GTF3C1: variants seen among roughly 807,000 people sequenced by gnomAD.
The protein encoded by GTF3C1 is general transcription factor IIIC subunit 1.
Under a neutral mutation model 226.7 loss-of-function variants are expected in GTF3C1, and 57 were observed. The ratio of observed to expected loss-of-function variants is 0.25; its 90% CI spans 0.20 to 0.31. The LOEUF (loss-of-function observed/expected upper bound fraction) is 0.31, where lower values mean the gene tolerates loss of function less well. GTF3C1 is among the 10% of genes least tolerant of loss of function. The pLI is 1.00. For missense variants in GTF3C1, 2,217 were observed against 2,776.1 expected (o/e 0.80, Z 4.53); for synonymous variants, 1,090 against 1,084.8 (o/e 1.00, Z -0.09).
At chr16:27,536,984 C>T (rs912881309) in intron 4 of GTF3C1, among the ~76,000 whole-genome samples, 1 of 152,236 alleles carries the variant, frequency 6.6e-6, no homozygotes, top group Non-Finnish European at 1.5e-5. Context: ...TACTCACTCC[C>T]CCAGTCTCCC....
chr16:27,461,262 AG>A lies in GTF3C1; in HGVS notation c.*87del, dbSNP rs1419013882. 11 of 817,342 alleles carry A rather than the reference AG, an allele frequency of 1.3e-5. No homozygotes were observed. Among genetic ancestry groups the A allele is most frequent in the Non-Finnish European group, 2.1e-5 (11 of 517,678 alleles). The allele number at this position is 817,342 out of a possible 1,614,324, so 50.6% of individuals were successfully genotyped here. A position where few individuals can be genotyped will look rare whatever the true frequency, so the allele number is the denominator to read the frequency against. ...TGCTGCAGGAGGCTCGGCAGACCCAAGGCCAGGGCACAGTGGGGTCTGCCGA... is the reference window on the plus strand; with the variant it reads ...TGCTGCAGGAGGCTCGGCAGACCCAAGCCAGGGCACAGTGGGGTCTGCCGA... On this transcript the variant is annotated 3_prime_UTR_variant, in exon 37 of 37. Transcript: ENST00000356183. This position sits in a 1 kb window ranked among gnomAD's most constrained non-coding sequence, Gnocchi z 5.3.
intron 7 of GTF3C1, among the ~76,000 whole-genome samples, chr16:27,510,085 C>T (rs2088550517): frequency 6.6e-6 from 1 of 152,122 alleles, no homozygotes; most frequent in South Asian, 2.1e-4. Flanking sequence ...CTTGTCTCTA[C>T]TAAAGAAATA....
chr16:27,546,775 T>C (rs897199751), intron 1 of GTF3C1, among the ~76,000 whole-genome samples: 1 of 151,692 alleles, frequency 6.6e-6, no homozygotes, highest in Non-Finnish European at 1.5e-5. Context: ...CCTCCATTCC[T>C]TTTTTTTAAG....
At chr16:27,524,084 G>T (rs2088793045) in intron 6 of GTF3C1, among the ~76,000 whole-genome samples, 1 of 152,202 alleles carries the variant, frequency 6.6e-6, no homozygotes, top group Non-Finnish European at 1.5e-5. Context: ...TCCTACGCAT[G>T]AACTTACTTT....
chr16:27,520,273 C>T (rs979330638), intron 6 of GTF3C1, among the ~76,000 whole-genome samples: 4 of 152,256 alleles, frequency 2.6e-5, no homozygotes, highest in African/African-American at 9.6e-5. Flanking sequence ...CGCTAACACA[C>T]CCGGCTAATT....
chr16:27,463,996 C>T lies in GTF3C1; in HGVS notation c.5872+324G>A. 2.4e-6 allele frequency: 1 copy of T among 422,180 alleles called. No individual in the cohort carries two copies. The allele number at this position is 422,180 out of a possible 1,614,324, so 26.2% of individuals were successfully genotyped here. A position where few individuals can be genotyped will look rare whatever the true frequency, so the allele number is the denominator to read the frequency against. On this transcript the variant is annotated intron_variant, in intron 34 of 36. Coordinates refer to ENST00000356183, the MANE Select transcript of GTF3C1 (RefSeq NM_001520.4). The surrounding 1 kb of genome is among the most constrained non-coding windows in gnomAD (Gnocchi z 4.9). ...GACGTGCAGGAAAGGAAAGGGCGTG[C>T]TGCCACCCGAGGAAGTTGAGACCCC...
intron 6 of GTF3C1, among the ~76,000 whole-genome samples, chr16:27,513,088 T>C (rs914637247): frequency 1.3e-5 from 2 of 152,188 alleles, no homozygotes; most frequent in African/African-American, 4.8e-5. Flanking sequence ...AGGGTCACTG[T>C]TGCCAGGGTG....
rs1356292161 is a variant in GTF3C1 at position 27,471,180 on chromosome 16, G to C, written c.4526+568C>G. ...TGCGGGGAAGGAGAATGGTGTGAAGGGGAAGCCGTCAAGACGGCAGCTTAG... is the reference window on the plus strand; with the variant it reads ...TGCGGGGAAGGAGAATGGTGTGAAGCGGAAGCCGTCAAGACGGCAGCTTAG... On this transcript the variant is annotated intron_variant, in intron 30 of 36. Coordinates refer to ENST00000356183, the MANE Select transcript of GTF3C1 (RefSeq NM_001520.4). This position sits in a 1 kb window ranked among gnomAD's most constrained non-coding sequence, Gnocchi z 5.0. Among the ~76,000 whole-genome samples, 1 of 152,238 alleles carries C rather than the reference G, an allele frequency of 6.6e-6. No individual in the cohort carries two copies. Among genetic ancestry groups the C allele is most frequent in the African/African-American group, 2.4e-5 (1 of 41,470 alleles).
In GTF3C1 at chr16:27,507,170, G is replaced by C. The variant is rs989334518; in HGVS notation, c.1243-14C>G. On this transcript the variant is annotated splice_polypyrimidine_tract_variant and intron_variant, in intron 8 of 36. Coordinates refer to ENST00000356183, the MANE Select transcript of GTF3C1 (RefSeq NM_001520.4). The surrounding 1 kb of genome is among the most constrained non-coding windows in gnomAD (Gnocchi z 4.9). ...TTCCATGAATCCCTAGAGGGAATAA[G>C]ATGTGTTTATCCCACTGCAAAGAGG... The C allele has an allele frequency of 6.3e-7, 1 of 1,584,008 alleles. No homozygotes were observed. Among genetic ancestry groups the C allele is most frequent in the African/African-American group, 1.3e-5 (1 of 74,182 alleles).
chr16:27,503,331 G>A (rs545339841), intron 10 of GTF3C1, among the ~76,000 whole-genome samples: 45 of 152,346 alleles, frequency 3.0e-4, no homozygotes, highest in Admixed American at 3.3e-4. Flanking sequence ...AGGAATGGAA[G>A]AAACTGATGT....
At chr16:27,523,555 A>C (rs1306567301) in intron 6 of GTF3C1, among the ~76,000 whole-genome samples, 1 of 152,202 alleles carries the variant, frequency 6.6e-6, no homozygotes, top group Non-Finnish European at 1.5e-5. Context: ...AACTGCCTTC[A>C]TCCCTTGCCT....
At position 27,507,889 on chromosome 16, in the gene GTF3C1, G is replaced by A. The variant is rs1213106583; in HGVS notation, c.1242+651C>T. 6.6e-6 allele frequency among the ~76,000 whole-genome samples: 1 copy of A among 152,272 alleles called. No homozygotes were observed. The highest frequency in any genetic ancestry group is 2.4e-5 in the African/African-American group (1 of 41,480). ...TAACATGCATAAGAAGGAGGGCCAA[G>A]TGGGGATGGTGGAACCCTGGAGAGC... On this transcript the variant is annotated intron_variant, in intron 8 of 36. Transcript: ENST00000356183. This position sits in a 1 kb window ranked among gnomAD's most constrained non-coding sequence, Gnocchi z 4.9.
intron 2 of GTF3C1, among the ~76,000 whole-genome samples, chr16:27,544,115 G>A (rs140281446): frequency 6.6e-6 from 1 of 152,248 alleles, no homozygotes; most frequent in Non-Finnish European, 1.5e-5. Context: ...CAGACAGGGG[G>A]CCGTTGCTCA....
In GTF3C1 at chr16:27,462,319, G is replaced by T. The variant is rs771232855; in HGVS notation, c.6092C>A (p.Pro2031His). 6.4e-7 allele frequency: 1 copy of T among 1,559,128 alleles called. No homozygotes were observed. The highest frequency in any genetic ancestry group is 1.9e-5 in the Admixed American group (1 of 51,772). ...CTGGAGCAACTCCAGCACGGCGACG[G>T]GCTGCAGGACCCCCTGGTAGTGGCG... Reference protein sequence around the residue: ...LLRHYQGVLQPVAVLELLQGL... With the variant: ...LLRHYQGVLQHVAVLELLQGL... The change falls in exon 36 of 37, where the codon CCC becomes CAC. Residue 2031 changes from proline to histidine, a missense_variant. Transcript: ENST00000356183. The surrounding 1 kb of genome is among the most constrained non-coding windows in gnomAD (Gnocchi z 4.5).
chr16:27,461,591 C>T lies in GTF3C1; in HGVS notation c.6118-29G>A, dbSNP rs370592766. The T allele has an allele frequency of 3.1e-5, 47 of 1,492,504 alleles. No individual in the cohort carries two copies. The highest frequency in any genetic ancestry group is 6.9e-5 in the African/African-American group (5 of 72,588). 92.5% of individuals were successfully genotyped at this position (1,492,504 alleles called of 1,614,324 possible). A position where few individuals can be genotyped will look rare whatever the true frequency, so the allele number is the denominator to read the frequency against. On this transcript the variant is annotated intron_variant, in intron 36 of 36. Coordinates refer to ENST00000356183, the MANE Select transcript of GTF3C1 (RefSeq NM_001520.4). The surrounding 1 kb of genome is among the most constrained non-coding windows in gnomAD (Gnocchi z 5.3). ...GAGACACCAGACACACAGGTTACAG[C>T]GGCACTGCCCTCGCCTGCTTGTTGA...
At chr16:27,544,073 G>A (rs2141464330) in intron 2 of GTF3C1, among the ~76,000 whole-genome samples, 1 of 152,294 alleles carries the variant, frequency 6.6e-6, no homozygotes, top group East Asian at 1.9e-4. Context: ...GTGTTCATGT[G>A]CTGAAGGGAA....
At chr16:27,544,471 G>A (rs1025270457) in intron 2 of GTF3C1, among the ~76,000 whole-genome samples, 1 of 151,900 alleles carries the variant, frequency 6.6e-6, no homozygotes, top group African/African-American at 2.4e-5. Flanking sequence ...GGCTGGGGGA[G>A]GGGAGGAGGA....
At chr16:27,513,225 GGGA>G (rs2088603613) in intron 6 of GTF3C1, among the ~76,000 whole-genome samples, 1 of 152,162 alleles carries the variant, frequency 6.6e-6, no homozygotes, top group African/African-American at 2.4e-5. Flanking sequence ...GGCCAAAGCG[GGGA>G]GGATCACTTG....
At position 27,462,148 on chromosome 16, in the gene GTF3C1, G is replaced by T. The variant is rs113239641; in HGVS notation, c.6117+146C>A. 5 of 625,300 alleles carry T rather than the reference G, an allele frequency of 8.0e-6. No homozygotes were observed. Among genetic ancestry groups the T allele is most frequent in the African/African-American group, 3.7e-5 (2 of 54,674 alleles). 38.7% of individuals were successfully genotyped at this position (625,300 alleles called of 1,614,324 possible). On this transcript the variant is annotated intron_variant, in intron 36 of 36. Coordinates refer to ENST00000356183, the MANE Select transcript of GTF3C1 (RefSeq NM_001520.4). This position sits in a 1 kb window ranked among gnomAD's most constrained non-coding sequence, Gnocchi z 4.5. ...AGGACACTGAGGGACAGCCTGAGAG[G>T]CAGGAGCCCAGGACAAGCTGGGGGA...
Sources: allele counts gnomAD v4.1 joint callset (sites outside exome capture counted in the v4.1 genomes callset), GRCh38; gene constraint gnomAD v4.1.1; non-coding constraint Gnocchi (gnomAD v3.1); transcripts MANE v1.5; gene names NCBI Gene and HGNC (gene_info 2026-07-23, HGNC 2026-07-21).